Variants in CSNK2A1 observed in about 807,000 individuals in gnomAD.
The protein encoded by CSNK2A1 is casein kinase 2 alpha 1.
A neutral mutation model predicts 62.9 loss-of-function variants in CSNK2A1; 10 were observed. The ratio of observed to expected loss-of-function variants is 0.16; its 90% CI spans 0.10 to 0.27. The LOEUF is 0.27. Among genes scored for constraint, CSNK2A1 ranks in the 10% least tolerant of loss-of-function variants. CSNK2A1 has a pLI of 1.00. For missense variants in CSNK2A1, 160 were observed against 492.0 expected (o/e 0.33, Z 6.38); for synonymous variants, 124 against 167.8 (o/e 0.74, Z 2.02).
intron 1 of CSNK2A1, among the ~76,000 whole-genome samples, chr20:535,095 A>C (rs2122651307): frequency 7.0e-6 from 1 of 141,982 alleles, no homozygotes; most frequent in East Asian, 2.2e-4. Flanking sequence ...GTGGCTCATG[A>C]GTGTAATCTC....
At chr20:486,767 G>A (rs1346268186) in intron 12 of CSNK2A1, 1 of 317,336 alleles carries the variant, frequency 3.2e-6, no homozygotes, top group Non-Finnish European at 6.0e-6. Context: ...ATGGAGACAA[G>A]ACACTGTAAC....
intron 9 of CSNK2A1, among the ~76,000 whole-genome samples, chr20:491,794 G>A (rs1379972038): frequency 6.6e-6 from 1 of 152,040 alleles, no homozygotes; most frequent in African/African-American, 2.4e-5. Flanking sequence ...GGTGGTGGTG[G>A]GTGCCTGTAG....
chr20:531,041 G>A (rs1443683889), intron 1 of CSNK2A1, among the ~76,000 whole-genome samples: 1 of 152,062 alleles, frequency 6.6e-6, no homozygotes. Flanking sequence ...CTGAGATCGC[G>A]CCATTGCACT....
In CSNK2A1 at chr20:499,398, T is replaced by A. The variant is rs1049393800; in HGVS notation, c.316-93A>T. 3 of 1,242,898 alleles carry A rather than the reference T, an allele frequency of 2.4e-6. No individual in the cohort carries two copies. Among genetic ancestry groups the A allele is most frequent in the Non-Finnish European group, 3.4e-6 (3 of 881,846 alleles). The allele number at this position is 1,242,898 out of a possible 1,614,324, so 77.0% of individuals were successfully genotyped here. ...GTTTGCGGATGCTGCGTGGTGAAAT[T>A]TGGCAGTCCTCGCCTCAGTAGTAAG... On this transcript the variant is annotated intron_variant, in intron 5 of 13. Coordinates refer to ENST00000217244, the MANE Select transcript of CSNK2A1 (RefSeq NM_177559.3). This position sits in a 1 kb window ranked among gnomAD's most constrained non-coding sequence, Gnocchi z 4.2.
intron 11 of CSNK2A1, 153 bp from the exon 12 acceptor site, chr20:487,728 G>A (rs1277166872): frequency 1.0e-6 from 1 of 980,570 alleles, no homozygotes; most frequent in Non-Finnish European, 1.5e-6. Context: ...CTGCCACTGA[G>A]TGGGACAACA....
At chr20:516,548 G>C (rs1019687047) in intron 2 of CSNK2A1, among the ~76,000 whole-genome samples, 1 of 152,142 alleles carries the variant, frequency 6.6e-6, no homozygotes, top group African/African-American at 2.4e-5. Context: ...GATATACACT[G>C]AATACAGCAG....
rs1250009665 is a variant in CSNK2A1, at chr20:487,371, T to C, written c.973+56A>G. 9 of 1,603,944 alleles carry C rather than the reference T, an allele frequency of 5.6e-6. No homozygotes were observed. The Admixed American group carries it at 1.3e-4, about 24-fold the overall frequency. ...CTGACAGGAGCTGGGATTACGACTCTGTTCTATAGGACTCTGCGCCTGCAC... is the reference window on the plus strand; with the variant it reads ...CTGACAGGAGCTGGGATTACGACTCCGTTCTATAGGACTCTGCGCCTGCAC... On this transcript the variant is annotated intron_variant, in intron 12 of 13. Coordinates refer to ENST00000217244, the MANE Select transcript of CSNK2A1 (RefSeq NM_177559.3).
chr20:504,297 C>T (rs561338842), intron 4 of CSNK2A1: 1 of 152,138 alleles, frequency 6.6e-6, no homozygotes, highest in Admixed American at 6.6e-5. Flanking sequence ...AAATTAAAGA[C>T]AGTATAAGTG....
chr20:513,470 T>C (rs942360408), intron 2 of CSNK2A1, among the ~76,000 whole-genome samples: 8 of 152,224 alleles, frequency 5.3e-5, no homozygotes, highest in African/African-American at 1.9e-4. Context: ...CAGAAACCTA[T>C]CTTTACAGGC....
chr20:512,314 T>C (rs557502748), intron 2 of CSNK2A1, among the ~76,000 whole-genome samples: 3 of 151,376 alleles, frequency 2.0e-5, no homozygotes, highest in African/African-American at 7.4e-5. Context: ...TGAGCATCTT[T>C]TTACATGCTT....
chr20:541,324 T>C (rs2019444259), intron 1 of CSNK2A1, among the ~76,000 whole-genome samples: 1 of 152,154 alleles, frequency 6.6e-6, no homozygotes, highest in Admixed American at 6.5e-5. Context: ...CTACAGATTC[T>C]GGGGATCAAG....
chr20:486,742 T>A, intron 12 of CSNK2A1: 1 of 373,982 alleles, frequency 2.7e-6, no homozygotes, highest in Non-Finnish European at 5.0e-6. Flanking sequence ...GAAGCCCTGG[T>A]CCTGTTGAGG....
intron 8 of CSNK2A1, 97 bp downstream of exon 8, chr20:495,622 G>A: frequency 1.0e-6 from 1 of 996,210 alleles, no homozygotes; most frequent in South Asian, 1.3e-5. Flanking sequence ...TGCCGAATAG[G>A]TACTAGGGCC....
intron 13 of CSNK2A1, 146 bp from the exon 14 acceptor site, chr20:484,222 A>T: frequency 1.7e-6 from 1 of 591,544 alleles, no homozygotes; most frequent in Non-Finnish European, 2.7e-6. Flanking sequence ...TTCAAGTCTG[A>T]CCCTCACAAA....
At chr20:524,176 C>T (rs2019015959) in intron 2 of CSNK2A1, among the ~76,000 whole-genome samples, 1 of 151,780 alleles carries the variant, frequency 6.6e-6, no homozygotes, top group Non-Finnish European at 1.5e-5. Flanking sequence ...GTAATCCCAG[C>T]ACTTTGGGAG....
At chr20:522,700 A>G (rs1019690237) in intron 2 of CSNK2A1, among the ~76,000 whole-genome samples, 11 of 151,938 alleles carry the variant, frequency 7.2e-5, no homozygotes, top group African/African-American at 2.7e-4. Context: ...TATTTTATTT[A>G]TTTATTTATT....
At chr20:541,741 A>C (rs2019454747) in intron 1 of CSNK2A1, among the ~76,000 whole-genome samples, 1 of 152,206 alleles carries the variant, frequency 6.6e-6, no homozygotes, top group Admixed American at 6.5e-5. Flanking sequence ...GTACATAACT[A>C]GGCTTTTTTT....
chr20:532,897 TC>T (rs1362592729), intron 1 of CSNK2A1, among the ~76,000 whole-genome samples: 3 of 152,162 alleles, frequency 2.0e-5, no homozygotes, highest in African/African-American at 7.2e-5. Context: ...AAAACAAGCC[TC>T]CTTACCCTAG....
intron 8 of CSNK2A1, chr20:492,579 C>T (rs961265597): frequency 7.4e-6 from 4 of 540,392 alleles, no homozygotes; most frequent in Non-Finnish European, 3.3e-6. Flanking sequence ...CTCACCTGTG[C>T]TTTTACAAAT....
Sources: gnomAD v4.1 joint callset for allele counts (sites outside exome capture counted in the v4.1 genomes callset) on GRCh38, gnomAD v4.1.1 for gene constraint, Gnocchi (gnomAD v3.1) non-coding constraint, MANE v1.5 for transcripts, NCBI Gene and HGNC (gene_info 2026-07-23, HGNC 2026-07-21) for gene names.